Variants in PCDHGB4 observed in about 807,000 individuals in gnomAD.
The protein encoded by PCDHGB4 is protocadherin gamma subfamily B, 4, also known as protocadherin gamma-B4.
A neutral mutation model predicts 60.5 loss-of-function variants in PCDHGB4; 38 were observed. The observed-to-expected ratio is 0.63, with a 90% CI of 0.48 to 0.82. The LOEUF (loss-of-function observed/expected upper bound fraction) is 0.82, where lower values mean the gene tolerates loss of function less well. PCDHGB4 is among the 40% of genes least tolerant of loss of function. The pLI, the probability that PCDHGB4 is intolerant of heterozygous loss-of-function variation, is 0.00. For missense variants in PCDHGB4, 1,109 were observed against 1,209.6 expected (o/e 0.92, Z 1.23); for synonymous variants, 456 against 509.7 (o/e 0.89, Z 1.42).
At position 141,505,406 on chromosome 5, in the gene PCDHGB4, G is replaced by A. The variant is rs546453598; in HGVS notation, c.2470G>A (p.Asp824Asn). 61 of 1,614,174 alleles carry A rather than the reference G, an allele frequency of 3.8e-5. No individual in the cohort carries two copies. The highest frequency in any genetic ancestry group is 1.1e-4 in the East Asian group (5 of 44,866). ...RPGTSGSQNG[D>N]DTGTWPNNQF... Reference sequence around the variant, plus strand: ...CTCTCTCCCCAGCTCCCAAAATGGCGATGACACCGGCACCTGGCCCAACAA... The same window carrying A: ...CTCTCTCCCCAGCTCCCAAAATGGCAATGACACCGGCACCTGGCCCAACAA... Residue 824 changes from aspartate to asparagine, a missense_variant, in exon 3 of 4, where the codon GAT (aspartate) becomes AAT (asparagine). Transcript: ENST00000519479.
rs766227340 is a variant in PCDHGB4, at chr5:141,476,791, C to T, written c.2398-18016C>T. On this transcript the variant is annotated intron_variant, in intron 1 of 3. Transcript: ENST00000519479. The surrounding 1 kb of genome is among the most constrained non-coding windows in gnomAD (Gnocchi z 7.6). ...TGGACGGAGGGACCCCAGCTCTCTCCGCCAGCCTGCCTATTCACATCAAGG... is the reference window on the plus strand; with the variant it reads ...TGGACGGAGGGACCCCAGCTCTCTCTGCCAGCCTGCCTATTCACATCAAGG... 5.6e-6 allele frequency: 9 copies of T among 1,613,394 alleles called. No homozygotes were observed. Among genetic ancestry groups the T allele is most frequent in the Middle Eastern group, 1.6e-4 (1 of 6,084 alleles).
chr5:141,496,783 C>T (rs572860852), intron 2 of PCDHGB4, among the ~76,000 whole-genome samples: 1 of 152,162 alleles, frequency 6.6e-6, no homozygotes, highest in East Asian at 1.9e-4. Context: ...GAGCAGGGCC[C>T]TGTGCTAAAC....
intron 1 of PCDHGB4, among the ~76,000 whole-genome samples, chr5:141,401,626 C>T (rs1476531463): frequency 6.6e-6 from 1 of 152,174 alleles, no homozygotes; most frequent in Non-Finnish European, 1.5e-5. Flanking sequence ...TTTGTCTTAT[C>T]GTTTGGAGCT....
chr5:141,428,387 G>A, intron 1 of PCDHGB4: 1 of 505,948 alleles, frequency 2.0e-6, no homozygotes, highest in South Asian at 2.0e-5. Context: ...TGCTCTTCCA[G>A]CCCCTCTGCC....
Position 141,432,465 on chromosome 5 carries a change from C to G in PCDHGB4, c.2397+42184C>G. ...GAGATCCTGTACCCCGCCCTCCCCACGGACGGTTCCACTGGCGTGGAGCTG... is the reference window on the plus strand; with the variant it reads ...GAGATCCTGTACCCCGCCCTCCCCAGGGACGGTTCCACTGGCGTGGAGCTG... On this transcript the variant is annotated intron_variant, in intron 1 of 3. Transcript: ENST00000519479. The surrounding 1 kb of genome is among the most constrained non-coding windows in gnomAD (Gnocchi z 6.0). The G allele has an allele frequency of 6.2e-7, 1 of 1,614,222 alleles. No individual in the cohort carries two copies. Among genetic ancestry groups the G allele is most frequent in the Non-Finnish European group, 8.5e-7 (1 of 1,180,050 alleles).
intron 3 of PCDHGB4, among the ~76,000 whole-genome samples, chr5:141,510,162 A>C (rs947806998): frequency 6.6e-6 from 1 of 151,838 alleles, no homozygotes; most frequent in Non-Finnish European, 1.5e-5. Flanking sequence ...AATCTCAGCT[A>C]CTCAGGAGGT....
chr5:141,415,588 A>G lies in PCDHGB4; in HGVS notation c.2397+25307A>G, dbSNP rs769216282. 3.3e-5 allele frequency: 53 copies of G among 1,613,874 alleles called. No individual in the cohort carries two copies. Among genetic ancestry groups the G allele is most frequent in the Admixed American group, 3.3e-5 (2 of 59,998 alleles). ...TTTGTTAGATGATTCGAAGTTTCCT[A>G]TAGAGGATACCCCATTGGTTCCAGT... On this transcript the variant is annotated intron_variant, in intron 1 of 3. Transcript: ENST00000519479.
rs138542775 is a variant in PCDHGB4, at chr5:141,491,313, C to T, written c.2398-3494C>T. ...ACCCTCCTGAGCGTTCAGACCTTAC[C>T]CTTTACCTCATTGTGGCTCTAGCGA... On this transcript the variant is annotated intron_variant, in intron 1 of 3. Transcript: ENST00000519479. This position sits in a 1 kb window ranked among gnomAD's most constrained non-coding sequence, Gnocchi z 6.9. 405 of 1,614,154 alleles carry T rather than the reference C, an allele frequency of 2.5e-4. 2 individuals are homozygous for T. In the African/African-American group the frequency reaches 4.5e-3, roughly 18 times the overall value.
intron 1 of PCDHGB4, chr5:141,399,613 G>A: frequency 6.2e-7 from 1 of 1,613,928 alleles, no homozygotes; most frequent in Non-Finnish European, 8.5e-7. Context: ...AGAGCCTCTG[G>A]CACTGGCCTC....
chr5:141,490,050 C>T lies in PCDHGB4; in HGVS notation c.2398-4757C>T, dbSNP rs1400735375. On this transcript the variant is annotated intron_variant, in intron 1 of 3. Transcript: ENST00000519479. This position sits in a 1 kb window ranked among gnomAD's most constrained non-coding sequence, Gnocchi z 5.4. ...TCCGCCTCAATGCCACTGATCCAGA[C>T]GAGGGCACCAACGGCCAACTAGACT... The T allele has an allele frequency of 1.2e-6, 2 of 1,614,224 alleles. No individual in the cohort carries two copies. The highest frequency in any genetic ancestry group is 1.7e-6 in the Non-Finnish European group (2 of 1,180,022).
chr5:141,399,278 G>A (rs1373250809), intron 1 of PCDHGB4: 2 of 1,613,792 alleles, frequency 1.2e-6, no homozygotes, highest in African/African-American at 1.3e-5. Context: ...CAATTACAAG[G>A]CGAAGTCCCT....
At chr5:141,509,327 G>A (rs2099876237) in intron 3 of PCDHGB4, among the ~76,000 whole-genome samples, 1 of 152,188 alleles carries the variant, frequency 6.6e-6, no homozygotes, top group African/African-American at 2.4e-5. Flanking sequence ...AAGCTCTACT[G>A]CCAGCTGGGC....
chr5:141,445,361 G>A (rs2098464750), intron 1 of PCDHGB4, among the ~76,000 whole-genome samples: 2 of 152,138 alleles, frequency 1.3e-5, no homozygotes, highest in African/African-American at 4.8e-5. Context: ...GCCCAAGTCT[G>A]GTCCTGGGTG....
rs2094321391 is a variant in PCDHGB4, at chr5:141,402,912, G to GCTTCATCA, written c.2397+12632_2397+12633insTTCATCAC. ...AAGAAAGAACCTGATGAAGCAGCGCGCACAGAGATCCTTTTGAGAAAATTC... is the reference window on the plus strand; with the variant it reads ...AAGAAAGAACCTGATGAAGCAGCGCGCTTCATCACACAGAGATCCTTTTGAGAAAATTC... On this transcript the variant is annotated intron_variant, in intron 1 of 3. Coordinates refer to ENST00000519479, the MANE Select transcript of PCDHGB4 (RefSeq NM_003736.4). 6 of 1,553,880 alleles carry GCTTCATCA rather than the reference G, an allele frequency of 3.9e-6. No individual in the cohort carries two copies. In the African/African-American group the frequency reaches 8.2e-5, roughly 21 times the overall value.
intron 1 of PCDHGB4, among the ~76,000 whole-genome samples, chr5:141,454,743 G>A (rs1050167077): frequency 6.7e-6 from 1 of 149,684 alleles, no homozygotes; most frequent in African/African-American, 2.5e-5. Context: ...ATGAAAAGAG[G>A]CCAAACTAAT....
chr5:141,392,659 A>G, intron 1 of PCDHGB4: 1 of 788,300 alleles, frequency 1.3e-6, no homozygotes, highest in Non-Finnish European at 1.9e-6. Context: ...CGCAGATGCC[A>G]CAAACTAACT....
At chr5:141,443,499 A>T (rs533910381) in intron 1 of PCDHGB4, among the ~76,000 whole-genome samples, 1 of 152,268 alleles carries the variant, frequency 6.6e-6, no homozygotes, top group African/African-American at 2.4e-5. Context: ...ACAAACAAAC[A>T]AATAAAGAGC....
At chr5:141,482,356 G>T (rs1330274684) in intron 1 of PCDHGB4, among the ~76,000 whole-genome samples, 1 of 152,236 alleles carries the variant, frequency 6.6e-6, no homozygotes, top group East Asian at 1.9e-4. Flanking sequence ...TGTTGTGAGA[G>T]TGAAAAGTAA....
At chr5:141,394,989 C>T in intron 1 of PCDHGB4, 1 of 1,614,030 alleles carries the variant, frequency 6.2e-7, no homozygotes. Flanking sequence ...ACGCCTGCTC[C>T]AGGATTCCGG....
Sources: gnomAD v4.1 joint callset for allele counts (sites outside exome capture counted in the v4.1 genomes callset) on GRCh38, gnomAD v4.1.1 for gene constraint, Gnocchi (gnomAD v3.1) non-coding constraint, MANE v1.5 for transcripts, NCBI Gene and HGNC (gene_info 2026-07-23, HGNC 2026-07-21) for gene names.